Variants in HSDL2 observed in about 807,000 individuals in gnomAD.
HSDL2 encodes hydroxysteroid dehydrogenase-like protein 2.
In HSDL2, 27 loss-of-function variants were observed where a neutral mutation model predicts 46.3. The ratio of observed to expected loss-of-function variants is 0.58; its 90% CI spans 0.43 to 0.80. The LOEUF (loss-of-function observed/expected upper bound fraction) is 0.80, where lower values mean the gene tolerates loss of function less well. HSDL2 is among the 30% of genes least tolerant of loss of function. The pLI, the probability that HSDL2 is intolerant of heterozygous loss-of-function variation, is 0.00. For synonymous variants in HSDL2, 153 were observed against 163.6 expected (o/e 0.94, Z 0.50); for missense variants, 451 against 502.7 (o/e 0.90, Z 0.98).
intron 6 of HSDL2, among the ~76,000 whole-genome samples, chr9:112,424,540 C>T (rs946486240): frequency 1.3e-5 from 2 of 151,728 alleles, no homozygotes; most frequent in Admixed American, 6.6e-5. Flanking sequence ...CTGCACTCTC[C>T]TCTCTCTTCC....
At chr9:112,419,411 T>G (rs1832069313) in intron 6 of HSDL2, among the ~76,000 whole-genome samples, 1 of 152,200 alleles carries the variant, frequency 6.6e-6, no homozygotes, top group South Asian at 2.1e-4. Flanking sequence ...AACTTTTTAT[T>G]GTACAACATA....
chr9:112,454,484 C>T (rs3860165), intron 9 of HSDL2, among the ~76,000 whole-genome samples: 54,361 of 151,874 alleles, frequency 0.36, 12,075 homozygotes, highest in Non-Finnish European at 0.51. Flanking sequence ...AAGATCAGTG[C>T]GTACGGACAC....
chr9:112,387,510 A>G (rs1056702661), intron 1 of HSDL2, among the ~76,000 whole-genome samples: 1 of 152,168 alleles, frequency 6.6e-6, no homozygotes, highest in East Asian at 1.9e-4. Flanking sequence ...ATGAGCCACC[A>G]TGCCTACCTA....
chr9:112,407,145 C>T (rs185802733), intron 3 of HSDL2, among the ~76,000 whole-genome samples: 59 of 152,298 alleles, frequency 3.9e-4, no homozygotes, highest in Non-Finnish European at 6.9e-4. Flanking sequence ...TACCCCTAGC[C>T]GGCAGCCTTT....
At chr9:112,460,760 T>C (rs12348724) in intron 10 of HSDL2, among the ~76,000 whole-genome samples, 3,251 of 152,184 alleles carry the variant, frequency 0.021, 53 homozygotes, top group Non-Finnish European at 0.03. Flanking sequence ...AGAGAAAGTA[T>C]ACCTAAGAAA....
intron 8 of HSDL2, among the ~76,000 whole-genome samples, chr9:112,449,486 T>C (rs1832830279): frequency 6.6e-6 from 1 of 152,218 alleles, no homozygotes; most frequent in Non-Finnish European, 1.5e-5. Flanking sequence ...TTAAATTTTA[T>C]TTCATTTTTA....
At position 112,471,661 on chromosome 9, in the gene HSDL2, C is replaced by G. The variant is rs1833578787; in HGVS notation, c.*1117C>G. On this transcript the variant is annotated 3_prime_UTR_variant, in exon 11 of 11. Coordinates refer to ENST00000398805, the MANE Select transcript of HSDL2 (RefSeq NM_032303.5). ...TGGACAACATAGTAAGACCCTATCT[C>G]TACCCCCCTAATAAATTAATTTAAA... The G allele has an allele frequency of 6.6e-6, 1 of 152,262 alleles. No individual in the cohort carries two copies. The allele number at this position is 152,262 out of a possible 1,614,324, so 9.4% of individuals were successfully genotyped here.
At chr9:112,427,690 A>G (rs1053394778) in intron 6 of HSDL2, among the ~76,000 whole-genome samples, 1 of 152,132 alleles carries the variant, frequency 6.6e-6, no homozygotes, top group South Asian at 2.1e-4. Flanking sequence ...CGTTTATCTT[A>G]TAGGAGTTCT....
intron 2 of HSDL2, among the ~76,000 whole-genome samples, chr9:112,405,282 A>G (rs1200985725): frequency 6.6e-6 from 1 of 152,108 alleles, no homozygotes; most frequent in African/African-American, 2.4e-5. Flanking sequence ...AGCCTGGGAG[A>G]TTGAGGCTGC....
chr9:112,460,330 A>G (rs1048851622), intron 10 of HSDL2, among the ~76,000 whole-genome samples: 1 of 152,316 alleles, frequency 6.6e-6, no homozygotes, highest in East Asian at 1.9e-4. Context: ...CTTTCTTTAC[A>G]GTTCTAATTC....
intron 8 of HSDL2, among the ~76,000 whole-genome samples, chr9:112,450,527 G>T (rs953314609): frequency 9.3e-5 from 14 of 151,144 alleles, no homozygotes; most frequent in African/African-American, 3.4e-4. Context: ...TATTCGGGAG[G>T]CTGAGGCACA....
chr9:112,382,868 G>A (rs1177165342), intron 1 of HSDL2, among the ~76,000 whole-genome samples: 1 of 151,828 alleles, frequency 6.6e-6, no homozygotes, highest in Non-Finnish European at 1.5e-5. Flanking sequence ...TATTTAACAT[G>A]GAGAAACATG....
chr9:112,443,183 T>C (rs1202362572), intron 8 of HSDL2, among the ~76,000 whole-genome samples: 1 of 152,182 alleles, frequency 6.6e-6, no homozygotes. Flanking sequence ...GATCTGTCTT[T>C]TAGAAGAAGG....
rs181459272 is a variant in HSDL2, at chr9:112,465,974, T to C, written c.1145-4458T>C. Among the ~76,000 whole-genome samples the C allele has an allele frequency of 3.2e-3, 489 of 152,380 alleles. 2 individuals are homozygous for C. Among genetic ancestry groups the C allele is most frequent in the Non-Finnish European group, 4.9e-3 (332 of 68,040 alleles). On this transcript the variant is annotated intron_variant, in intron 10 of 10. Transcript: ENST00000398805. ...CAAAGAATTGCCAAAAGGTTTTTCA[T>C]AGTGGCTGCATCATTTACATTCCCA... is the stretch of plus-strand genomic sequence containing the variant.
At chr9:112,409,411 A>G (rs940554121) in intron 4 of HSDL2, among the ~76,000 whole-genome samples, 15 of 152,086 alleles carry the variant, frequency 9.9e-5, no homozygotes, top group African/African-American at 3.4e-4. Flanking sequence ...GGCTGGTCTC[A>G]AACTCCTTAC....
At chr9:112,423,047 G>A (rs561049920) in intron 6 of HSDL2, among the ~76,000 whole-genome samples, 1 of 152,314 alleles carries the variant, frequency 6.6e-6, no homozygotes, top group East Asian at 1.9e-4. Context: ...AGAAAGGGCT[G>A]TTAACCAAGC....
intron 10 of HSDL2, among the ~76,000 whole-genome samples, chr9:112,463,609 C>T (rs1564135855): frequency 6.6e-6 from 1 of 152,072 alleles, no homozygotes; most frequent in African/African-American, 2.4e-5. Context: ...GGCTTGTTGT[C>T]TTTTTTATTA....
At chr9:112,454,804 C>G (rs1242521127) in intron 9 of HSDL2, among the ~76,000 whole-genome samples, 1 of 151,704 alleles carries the variant, frequency 6.6e-6, no homozygotes, top group Non-Finnish European at 1.5e-5. Context: ...CTCCTGGGTT[C>G]AAGTGATTCT....
At chr9:112,406,235 A>G (rs1463042539) in intron 3 of HSDL2, among the ~76,000 whole-genome samples, 1 of 151,958 alleles carries the variant, frequency 6.6e-6, no homozygotes. Flanking sequence ...AAGGGATGCA[A>G]GGGGGGTAGA....
Sources: gnomAD v4.1 joint callset for allele counts (sites outside exome capture counted in the v4.1 genomes callset) on GRCh38, gnomAD v4.1.1 for gene constraint, MANE v1.5 for transcripts, NCBI Gene and HGNC (gene_info 2026-07-23, HGNC 2026-07-21) for gene names.